Variants in NBAS observed in about 807,000 individuals in gnomAD.
NBAS encodes NBAS subunit of NRZ tethering complex.
A neutral mutation model predicts 302.5 loss-of-function variants in NBAS; 219 were observed. That is an observed-to-expected ratio of 0.72 (90% CI 0.65 to 0.81). The LOEUF (loss-of-function observed/expected upper bound fraction) is 0.81, where lower values mean the gene tolerates loss of function less well. Ranked by LOEUF, NBAS falls within the 30% of genes least tolerant of loss-of-function variation. NBAS has a pLI of 0.00. For synonymous variants in NBAS, 1,118 were observed against 1,021.6 expected, an observed-to-expected ratio of 1.09 and a Z score of -1.80; for missense variants, 2,932 against 2,841.6, an observed-to-expected ratio of 1.03 and a Z score of -0.72.
chr2:14,926,095 C>T, the NBAS span, among the ~76,000 whole-genome samples: 1 of 152,120 alleles, frequency 6.6e-6, no homozygotes, highest in Admixed American at 6.5e-5. Flanking sequence ...GCTTAAGAAT[C>T]CTCCAGGATT....
At chr2:15,443,069 G>C (rs1678520704) in intron 21 of NBAS, among the ~76,000 whole-genome samples, 1 of 151,824 alleles carries the variant, frequency 6.6e-6, no homozygotes, top group Non-Finnish European at 1.5e-5. Context: ...AATTCTACCA[G>C]AGGTACAAGG....
At chr2:15,541,860 G>T (rs1378276154) in intron 6 of NBAS, among the ~76,000 whole-genome samples, 1 of 32,994 alleles carries the variant, frequency 3.0e-5, no homozygotes, top group Non-Finnish European at 7.7e-5. Flanking sequence ...AGGTGGGGGG[G>T]TTCAGCCCCC....
At chr2:15,449,205 A>G (rs888738943) in intron 21 of NBAS, among the ~76,000 whole-genome samples, 8 of 152,208 alleles carry the variant, frequency 5.3e-5, no homozygotes, top group African/African-American at 1.9e-4. Flanking sequence ...AAATAGTTAC[A>G]TTCACACTAA....
the NBAS span, among the ~76,000 whole-genome samples, chr2:15,057,671 A>G: frequency 6.6e-6 from 1 of 152,310 alleles, no homozygotes; most frequent in Non-Finnish European, 1.5e-5. Flanking sequence ...GTGAGAACAT[A>G]CAATGTTTGG....
At chr2:15,256,820 G>A (rs185123507) in intron 44 of NBAS, among the ~76,000 whole-genome samples, 68 of 152,246 alleles carry the variant, frequency 4.5e-4, no homozygotes, top group Non-Finnish European at 7.9e-4. Flanking sequence ...GTGACCATAT[G>A]ATTTTTGTTT....
chr2:14,975,354 T>C, the NBAS span, among the ~76,000 whole-genome samples: 2 of 152,232 alleles, frequency 1.3e-5, no homozygotes, highest in African/African-American at 2.4e-5. Flanking sequence ...TCACTGCCTC[T>C]TCCATCTTTG....
the NBAS span, among the ~76,000 whole-genome samples, chr2:14,800,531 C>A: frequency 1.3e-5 from 2 of 152,170 alleles, no homozygotes; most frequent in Non-Finnish European, 2.9e-5. Flanking sequence ...GCATGTTATA[C>A]TTTTTACTGA....
Position 15,558,630 on chromosome 2 carries a change from C to T in NBAS, c.122G>A (p.Arg41Lys), listed in dbSNP as rs766150327. Residue 41 changes from arginine (R) to lysine (K), a missense_variant, in exon 2 of 52, where the codon AGA (arginine) becomes AAA (lysine). By Grantham distance (26) the Arg-to-Lys change is conservative. Coordinates refer to ENST00000281513, the MANE Select transcript of NBAS (RefSeq NM_015909.4). ...EWPPETEVQPRGNQKHGASFI... is the reference protein window; with the variant it reads ...EWPPETEVQPKGNQKHGASFI... ...GGATGCACCATGTTTTTGGTTGCCTCTAGGCTGGAATTTAAAACAAAAAAC... is the reference window on the plus strand; with the variant it reads ...GGATGCACCATGTTTTTGGTTGCCTTTAGGCTGGAATTTAAAACAAAAAAC... The T allele has an allele frequency of 3.7e-6, 6 of 1,612,240 alleles. No homozygotes were observed. The highest frequency in any genetic ancestry group is 1.7e-5 in the Admixed American group (1 of 59,930).
intron 44 of NBAS, among the ~76,000 whole-genome samples, chr2:15,239,847 A>T (rs1231074450): frequency 6.6e-6 from 1 of 152,080 alleles, no homozygotes; most frequent in African/African-American, 2.4e-5. Flanking sequence ...TATGGGAGTT[A>T]TATTTTTCTA....
chr2:15,330,023 A>C (rs1262782204), intron 36 of NBAS, among the ~76,000 whole-genome samples: 2 of 152,238 alleles, frequency 1.3e-5, no homozygotes, highest in Non-Finnish European at 1.5e-5. Context: ...GACATTTGAC[A>C]GGAAAATAAT....
chr2:15,280,481 T>C (rs1187199775), intron 42 of NBAS, among the ~76,000 whole-genome samples: 1 of 152,140 alleles, frequency 6.6e-6, no homozygotes, highest in Non-Finnish European at 1.5e-5. Flanking sequence ...TTGTTGCTAT[T>C]AGCTCATTAA....
the NBAS span, among the ~76,000 whole-genome samples, chr2:14,943,337 T>C: frequency 6.6e-6 from 1 of 152,202 alleles, no homozygotes; most frequent in Non-Finnish European, 1.5e-5. Flanking sequence ...TCTTACCAAT[T>C]TCATGTATAT....
the NBAS span, among the ~76,000 whole-genome samples, chr2:14,825,905 T>G: frequency 6.6e-6 from 1 of 152,134 alleles, no homozygotes; most frequent in African/African-American, 2.4e-5. Context: ...GAAAAAGCAG[T>G]TTGCACGAAA....
the NBAS span, among the ~76,000 whole-genome samples, chr2:14,814,160 A>G: frequency 6.6e-6 from 1 of 152,240 alleles, no homozygotes; most frequent in Non-Finnish European, 1.5e-5. Flanking sequence ...GCCCACATGG[A>G]GAACCTCTAC....
chr2:14,873,061 T>C, the NBAS span, among the ~76,000 whole-genome samples: 19 of 152,208 alleles, frequency 1.2e-4, no homozygotes, highest in African/African-American at 4.6e-4. Context: ...TGGCCGAGGC[T>C]AGCTCGGGTG....
Position 15,551,475 on chromosome 2 carries a change from T to A in NBAS, c.379+18A>T. On this transcript the variant is annotated intron_variant, in intron 6 of 51. Coordinates refer to ENST00000281513, the MANE Select transcript of NBAS (RefSeq NM_015909.4). ...GCATTTGAAATTTTCATTCTTTAAA[T>A]ATTTTGGAAACTCTTACCTTGACAT... 6.3e-7 allele frequency: 1 copy of A among 1,577,636 alleles called. No individual in the cohort carries two copies. Among genetic ancestry groups the A allele is most frequent in the Non-Finnish European group, 8.7e-7 (1 of 1,150,332 alleles).
the NBAS span, among the ~76,000 whole-genome samples, chr2:14,933,855 G>A: frequency 5.3e-5 from 8 of 152,108 alleles, no homozygotes; most frequent in African/African-American, 1.7e-4. Flanking sequence ...TTACCTCCTA[G>A]AAATAGAAGT....
chr2:15,273,840 C>G (rs575434430), intron 44 of NBAS, among the ~76,000 whole-genome samples: 159 of 152,026 alleles, frequency 1.0e-3, no homozygotes, highest in African/African-American at 3.6e-3. Context: ...CTTTGGGAGG[C>G]TGAGGTGGGT....
chr2:14,961,936 C>A, the NBAS span, among the ~76,000 whole-genome samples: 12 of 152,122 alleles, frequency 7.9e-5, no homozygotes, highest in Non-Finnish European at 1.6e-4. Flanking sequence ...CCCGCCACCA[C>A]ACCCAGCTAA....
Sources: allele counts gnomAD v4.1 joint callset (sites outside exome capture counted in the v4.1 genomes callset), GRCh38; gene constraint gnomAD v4.1.1; transcripts MANE v1.5; gene names NCBI Gene and HGNC (gene_info 2026-07-23, HGNC 2026-07-21).